The following PHF21B variants were observed in gnomAD, a reference collection of about 807,000 sequenced individuals.
PHF21B encodes the protein PHD finger protein 4.
PHF21B carries 22 observed loss-of-function variants against 62.2 expected under a neutral mutation model. The ratio of observed to expected loss-of-function variants is 0.35; its 90% CI spans 0.25 to 0.51. The LOEUF (loss-of-function observed/expected upper bound fraction) is 0.51. Among genes scored for constraint, PHF21B ranks in the 20% least tolerant of loss-of-function variants. PHF21B has a pLI of 0.97. For missense variants in PHF21B, 701 were observed against 707.9 expected (o/e 0.99, Z 0.11); for synonymous variants, 341 against 314.7 (o/e 1.08, Z -0.88).
intron 12 of PHF21B, among the ~76,000 whole-genome samples, chr22:44,884,291 T>C (rs1463605666): frequency 4.5e-3 from 255 of 56,472 alleles, no homozygotes; most frequent in Non-Finnish European, 4.9e-3. Flanking sequence ...TGATCACCAT[T>C]ATCACCACCA....
At chr22:44,982,857 CAGA>C (rs1170973668) in intron 2 of PHF21B, among the ~76,000 whole-genome samples, 2 of 151,744 alleles carry the variant, frequency 1.3e-5, no homozygotes, top group African/African-American at 4.8e-5. Flanking sequence ...CAGGAGGAGC[CAGA>C]AGAAGGAAGA....
In PHF21B at chr22:44,920,063, C is replaced by T. The variant is rs538622153; in HGVS notation, c.213+335G>A. The stretch of plus-strand genomic sequence containing the variant: ...GTCAAAAATACACACGACGGAGTCA[C>T]CCAGTCTTGAAACAAGTTGGTCAAG... On this transcript the variant is annotated intron_variant, in intron 3 of 12. Coordinates refer to ENST00000313237, the MANE Select transcript of PHF21B (RefSeq NM_138415.5). 4.6e-5 allele frequency among the ~76,000 whole-genome samples: 7 copies of T among 152,352 alleles called. No homozygotes were observed. The East Asian group carries it at 5.8e-4, about 13-fold the overall frequency.
intron 2 of PHF21B, among the ~76,000 whole-genome samples, chr22:44,954,917 A>G (rs530367699): frequency 6.6e-6 from 1 of 152,298 alleles, no homozygotes; most frequent in East Asian, 1.9e-4. Context: ...AGGGAGAAGG[A>G]ATGGGACAGA....
At chr22:44,909,087 T>C (rs1383065961) in intron 5 of PHF21B, among the ~76,000 whole-genome samples, 1 of 152,226 alleles carries the variant, frequency 6.6e-6, no homozygotes, top group African/African-American at 2.4e-5. Context: ...TGTGAGCCAC[T>C]GCGCCTGGCC....
chr22:44,902,143 T>TG (rs1213481565), intron 5 of PHF21B: 21 of 214,000 alleles, frequency 9.8e-5, no homozygotes, highest in Admixed American at 1.6e-4. Context: ...AATTTGCCAT[T>TG]GCCACCTCAA....
chr22:44,988,719 G>C (rs959552840), intron 2 of PHF21B, among the ~76,000 whole-genome samples: 1 of 152,170 alleles, frequency 6.6e-6, no homozygotes, highest in Non-Finnish European at 1.5e-5. Flanking sequence ...CTTTTTCCCT[G>C]CACATCGAGA....
intron 2 of PHF21B, among the ~76,000 whole-genome samples, chr22:44,942,377 G>A (rs541958392): frequency 2.0e-5 from 3 of 152,264 alleles, no homozygotes; most frequent in South Asian, 2.1e-4. Flanking sequence ...CACACAGCTC[G>A]GGGACAAGAG....
chr22:44,976,983 C>G (rs1317233790), intron 2 of PHF21B, among the ~76,000 whole-genome samples: 1 of 151,774 alleles, frequency 6.6e-6, no homozygotes, highest in Non-Finnish European at 1.5e-5. Flanking sequence ...ACAAAAGATG[C>G]AAAAAAGGTG....
rs1852410260 is a variant in PHF21B, at chr22:44,881,168, A to C, written c.*1918T>G. 6.6e-6 allele frequency: 1 copy of C among 152,654 alleles called. No individual in the cohort carries two copies. The highest frequency in any genetic ancestry group is 1.5e-5 in the Non-Finnish European group (1 of 68,052). The allele number at this position is 152,654 out of a possible 1,614,324, so 9.5% of individuals were successfully genotyped here. On this transcript the variant is annotated 3_prime_UTR_variant, in exon 13 of 13. Coordinates refer to ENST00000313237, the MANE Select transcript of PHF21B (RefSeq NM_138415.5). ...GACACCAAAACCACAGGGCTTTGAA[A>C]TCATCGATCGAGTTTAATACATTGT...
intron 5 of PHF21B, among the ~76,000 whole-genome samples, chr22:44,908,653 C>A (rs541274644): frequency 6.6e-6 from 1 of 152,308 alleles, no homozygotes; most frequent in East Asian, 1.9e-4. Context: ...AAATCCACAC[C>A]CCTACTGGCT....
chr22:44,882,714 G>A lies in PHF21B; in HGVS notation c.*372C>T. 1.3e-5 allele frequency: 3 copies of A among 223,610 alleles called. No homozygotes were observed. Among genetic ancestry groups the A allele is most frequent in the Non-Finnish European group, 2.6e-5 (3 of 114,162 alleles). The allele number at this position is 223,610 out of a possible 1,614,324, so 13.9% of individuals were successfully genotyped here. A position where few individuals can be genotyped will look rare whatever the true frequency, so the allele number is the denominator to read the frequency against. ...GTGCCCTCAGTGGAGACTGCGTTCT[G>A]GGGGGCGTGCTTGTCCCCTCCACAG... On this transcript the variant is annotated 3_prime_UTR_variant, in exon 13 of 13. Transcript: ENST00000313237.
At chr22:44,922,642 G>GA (rs959017704) in intron 2 of PHF21B, among the ~76,000 whole-genome samples, 37 of 146,846 alleles carry the variant, frequency 2.5e-4, no homozygotes, top group African/African-American at 4.7e-4. Context: ...CAAAAAAAAA[G>GA]AAAAAAAAAA....
At chr22:44,967,661 T>C (rs2072554971) in intron 2 of PHF21B, among the ~76,000 whole-genome samples, 1 of 152,212 alleles carries the variant, frequency 6.6e-6, no homozygotes, top group Non-Finnish European at 1.5e-5. Context: ...GCCTGGTGCA[T>C]CTGCCTCCAC....
intron 2 of PHF21B, among the ~76,000 whole-genome samples, chr22:44,985,393 C>A (rs753694884): frequency 2.0e-5 from 3 of 152,148 alleles, no homozygotes; most frequent in Non-Finnish European, 4.4e-5. Flanking sequence ...GCTCATGATA[C>A]ATGAAGAAGT....
rs935640819 is a variant in PHF21B, at chr22:45,009,235, TAC to T, written c.54+259_54+260del. 8.0e-6 allele frequency: 4 copies of T among 498,344 alleles called. No individual in the cohort carries two copies. The African/African-American group carries it at 8.2e-5, about 10-fold the overall frequency. The allele number at this position is 498,344 out of a possible 1,614,324, so 30.9% of individuals were successfully genotyped here. A position where few individuals can be genotyped will look rare whatever the true frequency, so the allele number is the denominator to read the frequency against. On this transcript the variant is annotated intron_variant, in intron 1 of 12. Transcript: ENST00000313237. The surrounding 1 kb of genome is among the most constrained non-coding windows in gnomAD (Gnocchi z 5.9). ...GGCACCCTCCCAGTCATGCAGACCC[TAC>T]ATCGCTTAAGAGAAGACTCCAGGCT...
At chr22:44,987,853 G>T (rs1817831665) in intron 2 of PHF21B, among the ~76,000 whole-genome samples, 2 of 151,158 alleles carry the variant, frequency 1.3e-5, no homozygotes, top group South Asian at 4.2e-4. Flanking sequence ...TCAGGCCATA[G>T]ATTATAAAGG....
intron 5 of PHF21B, among the ~76,000 whole-genome samples, chr22:44,911,039 T>C (rs1422093330): frequency 6.6e-6 from 1 of 152,224 alleles, no homozygotes; most frequent in Admixed American, 6.5e-5. Context: ...GTGACTCTTG[T>C]TATGTTTTAG....
intron 12 of PHF21B, among the ~76,000 whole-genome samples, chr22:44,883,960 T>C (rs1482072910): frequency 7.9e-6 from 1 of 127,070 alleles, no homozygotes; most frequent in Admixed American, 7.6e-5. Flanking sequence ...ACCACCATCA[T>C]CACCATTACT....
At chr22:44,958,120 C>T (rs1365166413) in intron 2 of PHF21B, among the ~76,000 whole-genome samples, 1 of 152,150 alleles carries the variant, frequency 6.6e-6, no homozygotes, top group African/African-American at 2.4e-5. Flanking sequence ...TCAGGCTGGT[C>T]TCGAACTCCC....
Sources: gnomAD v4.1 joint callset for allele counts (sites outside exome capture counted in the v4.1 genomes callset) on GRCh38, gnomAD v4.1.1 for gene constraint, Gnocchi (gnomAD v3.1) non-coding constraint, MANE v1.5 for transcripts, NCBI Gene and HGNC (gene_info 2026-07-23, HGNC 2026-07-21) for gene names.